PIP5K1C: variants seen among roughly 807,000 people sequenced by gnomAD.
PIP5K1C encodes the protein phosphatidylinositol-4-phosphate 5-kinase type 1 gamma.
Under a neutral mutation model 80.1 loss-of-function variants are expected in PIP5K1C, and 45 were observed. The ratio of observed to expected loss-of-function variants is 0.56; its 90% confidence interval spans 0.44 to 0.72. The LOEUF is 0.72. Among genes scored for constraint, PIP5K1C ranks in the 30% least tolerant of loss-of-function variants. The pLI is 0.00. For missense variants in PIP5K1C, 753 were observed against 954.6 expected, an observed-to-expected ratio of 0.79 and a Z score of 2.78; for synonymous variants, 498 against 420.1, an observed-to-expected ratio of 1.19 and a Z score of -2.27.
At chr19:3,635,061 G>A (rs2033624317) in intron 16 of PIP5K1C, among the ~76,000 whole-genome samples, 1 of 152,216 alleles carries the variant, frequency 6.6e-6, no homozygotes, top group Non-Finnish European at 1.5e-5. Context: ...TGATTTGGTG[G>A]CTGCACTGAT....
rs758637152 is a variant in PIP5K1C at position 3,687,799 on chromosome 19, C to CCGCAGGGCATAGAGTGAT, written c.94+12480_94+12497dup. ...CTCCCTTCTCCCTGCCGGGTGCTCC[C>CCGCAGGGCATAGAGTGAT]CGCAGGGCATAGAGTGATCGCTTTC... On this transcript the variant is annotated intron_variant, in intron 1 of 17. Transcript: ENST00000335312. 3.4e-3 allele frequency among the ~76,000 whole-genome samples: 512 copies of CCGCAGGGCATAGAGTGAT among 152,320 alleles called. 1 individual carries two copies. The highest frequency in any genetic ancestry group is 6.0e-3 in the Non-Finnish European group (405 of 68,016).
At chr19:3,662,785 C>T (rs555385033) in intron 3 of PIP5K1C, among the ~76,000 whole-genome samples, 3 of 152,164 alleles carry the variant, frequency 2.0e-5, no homozygotes, top group Admixed American at 6.5e-5. Flanking sequence ...AGGCTGGTCT[C>T]GAACTCCTGA....
intron 8 of PIP5K1C, 53 bp downstream of exon 8, chr19:3,651,773 G>T: frequency 6.5e-7 from 1 of 1,544,844 alleles, no homozygotes; most frequent in South Asian, 1.1e-5. Context: ...TGGGGAACTG[G>T]AGCCTGTGGG....
At chr19:3,638,656 C>A (rs907690793) in intron 16 of PIP5K1C, among the ~76,000 whole-genome samples, 2 of 152,078 alleles carry the variant, frequency 1.3e-5, no homozygotes, top group African/African-American at 4.8e-5. Context: ...AGGAGCTTCC[C>A]ACCCCATGGG....
intron 10 of PIP5K1C, 119 bp from the exon 11 acceptor site, chr19:3,646,177 G>C: frequency 1.4e-6 from 1 of 711,452 alleles, no homozygotes; most frequent in South Asian, 1.5e-5. Flanking sequence ...AAAGGCTCGA[G>C]ATGGGTCCAT....
rs78035831 is a variant in PIP5K1C at position 3,661,098 on chromosome 19, C to T, written c.351-15G>A. On this transcript the variant is annotated splice_polypyrimidine_tract_variant and intron_variant, in intron 4 of 17. Transcript: ENST00000335312. The stretch of plus-strand genomic sequence containing the variant: ...TGCTGCCTTCGCTGTGGAGGAAGGA[C>T]GGGAGGAAACCTGTGAGGGGTGGTG... 1.2e-3 allele frequency: 1,905 copies of T among 1,591,058 alleles called. 28 individuals are homozygous for T. The African/African-American group carries it at 0.023, about 19-fold the overall frequency.
intron 16 of PIP5K1C, chr19:3,638,156 CT>C (rs1200521176): frequency 9.7e-7 from 1 of 1,033,532 alleles, no homozygotes; most frequent in Non-Finnish European, 1.4e-6. Flanking sequence ...GCCTCCGGCC[CT>C]CCCTGTGACC....
chr19:3,633,097 G>A lies in PIP5K1C; in HGVS notation c.*70C>T. On this transcript the variant is annotated 3_prime_UTR_variant, in exon 18 of 18. Coordinates refer to ENST00000335312, the MANE Select transcript of PIP5K1C (RefSeq NM_012398.3). ...CTCCCGAGCTCTGGGCCTCAGCGGGGTGGGCAGCGCCTTCGGGGGCAGCCG... is the reference window on the plus strand; with the variant it reads ...CTCCCGAGCTCTGGGCCTCAGCGGGATGGGCAGCGCCTTCGGGGGCAGCCG... 1.4e-6 allele frequency: 1 copy of A among 725,318 alleles called. No homozygotes were observed. The highest frequency in any genetic ancestry group is 1.5e-5 in the South Asian group (1 of 68,190). The allele number at this position is 725,318 out of a possible 1,614,324, so 44.9% of individuals were successfully genotyped here. A position where few individuals can be genotyped will look rare whatever the true frequency, so the allele number is the denominator to read the frequency against.
chr19:3,648,948 C>T lies in PIP5K1C; in HGVS notation c.1128-240G>A, dbSNP rs973368314. ...CCCAGCTAGGAGGCCTGGGCACATA[C>T]CCCCTACACACACGTGTGCCTGGAC... On this transcript the variant is annotated intron_variant, in intron 8 of 17. Transcript: ENST00000335312. This position sits in a 1 kb window ranked among gnomAD's most constrained non-coding sequence, Gnocchi z 4.3. 6.6e-6 allele frequency among the ~76,000 whole-genome samples: 1 copy of T among 152,138 alleles called. No homozygotes were observed. Among genetic ancestry groups the T allele is most frequent in the East Asian group, 1.9e-4 (1 of 5,194 alleles).
chr19:3,637,223 C>A lies in PIP5K1C; in HGVS notation c.1920+1661G>T. ...GACACGAGAGGGCTGGGTCCAGGGG[C>A]AGAGAGGGGCTCGCTGGGGTCTGGC... is the stretch of plus-strand genomic sequence containing the variant. On this transcript the variant is annotated intron_variant, in intron 16 of 17. Transcript: ENST00000335312. This position sits in a 1 kb window ranked among gnomAD's most constrained non-coding sequence, Gnocchi z 7.0. 1.4e-6 allele frequency: 2 copies of A among 1,440,424 alleles called. No homozygotes were observed. The highest frequency in any genetic ancestry group is 1.8e-6 in the Non-Finnish European group (2 of 1,101,416). 89.2% of individuals were successfully genotyped at this position (1,440,424 alleles called of 1,614,324 possible).
At chr19:3,670,392 G>GCCGCTCAGGGAGGCCAA (rs2145525057) in intron 1 of PIP5K1C, among the ~76,000 whole-genome samples, 1 of 152,312 alleles carries the variant, frequency 6.6e-6, no homozygotes, top group South Asian at 2.1e-4. Flanking sequence ...GGGAGGCCAA[G>GCCGCTCAGGGAGGCCAA]ATGCCGTGTG....
At chr19:3,634,377 G>A (rs890800087) in intron 16 of PIP5K1C, among the ~76,000 whole-genome samples, 2 of 150,078 alleles carry the variant, frequency 1.3e-5, no homozygotes, top group Non-Finnish European at 1.5e-5. Context: ...TGTCTTCCTT[G>A]TTGTGTCCTC....
At chr19:3,652,688 G>A (rs1412595378) in intron 7 of PIP5K1C, among the ~76,000 whole-genome samples, 1 of 152,210 alleles carries the variant, frequency 6.6e-6, no homozygotes, top group Non-Finnish European at 1.5e-5. Context: ...AGCCAACGCA[G>A]GCTCCACGGG....
At chr19:3,665,829 G>A (rs2034987954) in intron 2 of PIP5K1C, among the ~76,000 whole-genome samples, 1 of 152,154 alleles carries the variant, frequency 6.6e-6, no homozygotes, top group African/African-American at 2.4e-5. Context: ...CAACCAAGGA[G>A]AACAGCCCCG....
At chr19:3,660,908 G>A (rs566798419) in intron 5 of PIP5K1C, 58 bp downstream of exon 5, 4 of 1,403,810 alleles carry the variant, frequency 2.8e-6, no homozygotes, top group South Asian at 2.3e-5. Context: ...CAGACCCTCC[G>A]AGACCCTGAA....
At chr19:3,676,089 G>A (rs560226147) in intron 1 of PIP5K1C, among the ~76,000 whole-genome samples, 3 of 152,342 alleles carry the variant, frequency 2.0e-5, no homozygotes, top group Admixed American at 6.5e-5. Context: ...TGGGGAAACC[G>A]AGGCTGGGAG....
intron 15 of PIP5K1C, among the ~76,000 whole-genome samples, chr19:3,640,460 G>A (rs1471375702): frequency 6.6e-6 from 1 of 152,142 alleles, no homozygotes; most frequent in Non-Finnish European, 1.5e-5. Flanking sequence ...AGGTTGCAGT[G>A]AGCCGAAATC....
At position 3,698,462 on chromosome 19, in the gene PIP5K1C, C is replaced by A. The variant is rs188745362; in HGVS notation, c.94+1835G>T. ...CCGATACCAACATAGGGTGGGGAGA[C>A]TCCAGATGACCAGAGATAAAAAGCA... On this transcript the variant is annotated intron_variant, in intron 1 of 17. Transcript: ENST00000335312. Among the ~76,000 whole-genome samples the A allele has an allele frequency of 1.3e-3, 198 of 152,352 alleles. 1 individual carries two copies. Among genetic ancestry groups the A allele is most frequent in the African/African-American group, 4.6e-3 (190 of 41,594 alleles).
rs536538435 is a variant in PIP5K1C, at chr19:3,672,906, G to T, written c.95-5553C>A. Among the ~76,000 whole-genome samples, 5 of 150,798 alleles carry T rather than the reference G, an allele frequency of 3.3e-5. No individual in the cohort carries two copies. The South Asian group carries it at 1.0e-3, about 32-fold the overall frequency. ...GCCCTGGAGGCGGTGGGGGCGGGGG[G>T]AGAGTGGGCAGGGCCCTGGAAGGCC... On this transcript the variant is annotated intron_variant, in intron 1 of 17. Transcript: ENST00000335312.
Sources: gnomAD v4.1 joint callset for allele counts (sites outside exome capture counted in the v4.1 genomes callset) on GRCh38, gnomAD v4.1.1 for gene constraint, Gnocchi (gnomAD v3.1) non-coding constraint, MANE v1.5 for transcripts, NCBI Gene and HGNC (gene_info 2026-07-23, HGNC 2026-07-21) for gene names.